ABCA3: variants seen among roughly 807,000 people sequenced by gnomAD.
The protein encoded by ABCA3 is ATP binding cassette subfamily A member 3.
ABCA3 carries 88 observed loss-of-function variants against 172.8 expected under a neutral mutation model. That is an observed-to-expected ratio of 0.51 (90% CI 0.43 to 0.61). The LOEUF is 0.61. Among genes scored for constraint, ABCA3 ranks in the 20% least tolerant of loss-of-function variants. The pLI, the probability that ABCA3 is intolerant of heterozygous loss-of-function variation, is 0.00. For synonymous variants in ABCA3, 1,066 were observed against 983.8 expected (o/e 1.08, Z -1.56); for missense variants, 2,164 against 2,301.0 (o/e 0.94, Z 1.22).
intron 10 of ABCA3, among the ~76,000 whole-genome samples, chr16:2,313,767 C>T (rs562076797): frequency 6.6e-6 from 1 of 150,640 alleles, no homozygotes; most frequent in Admixed American, 6.6e-5. Context: ...TGGTGGCGGG[C>T]GCCTGTAATC....
Position 2,287,064 on chromosome 16 carries a change from G to C in ABCA3, c.3005-97C>G, listed in dbSNP as rs928211824. 4.3e-5 allele frequency: 61 copies of C among 1,408,800 alleles called. No homozygotes were observed. The highest frequency in any genetic ancestry group is 5.9e-5 in the Non-Finnish European group (61 of 1,026,920). 87.3% of individuals were successfully genotyped at this position (1,408,800 alleles called of 1,614,324 possible). Reference sequence around the variant, plus strand: ...GGCTAATCAGGGACCCAATAGAGTGGTGCCAGCATCCTCTGAGCTGCCCGC... The same window carrying C: ...GGCTAATCAGGGACCCAATAGAGTGCTGCCAGCATCCTCTGAGCTGCCCGC... On this transcript the variant is annotated intron_variant, in intron 21 of 32. Transcript: ENST00000301732. This position sits in a 1 kb window ranked among gnomAD's most constrained non-coding sequence, Gnocchi z 4.1.
chr16:2,337,349 T>G (rs1305874944), intron 1 of ABCA3, among the ~76,000 whole-genome samples: 1 of 151,230 alleles, frequency 6.6e-6, no homozygotes, highest in Admixed American at 6.6e-5. Context: ...CACATAACAG[T>G]ACACATGAAA....
chr16:2,332,175 G>A, intron 1 of ABCA3: 1 of 343,972 alleles, frequency 2.9e-6, no homozygotes, highest in Non-Finnish European at 5.3e-6. Flanking sequence ...AAGCGCTGTG[G>A]CTCTTCAGGC....
intron 11 of ABCA3, 117 bp from the exon 12 acceptor site, chr16:2,304,267 G>A (rs1436777659): frequency 2.8e-6 from 3 of 1,082,378 alleles, no homozygotes; most frequent in Non-Finnish European, 4.3e-6. Context: ...TGCTTGGTTG[G>A]CATGCCTTTT....
At chr16:2,312,680 G>A (rs1279249730) in intron 10 of ABCA3, among the ~76,000 whole-genome samples, 1 of 151,600 alleles carries the variant, frequency 6.6e-6, no homozygotes, top group Non-Finnish European at 1.5e-5. Context: ...AAGTGCCCAC[G>A]ACCACGCCCA....
chr16:2,293,321 G>A (rs1397835411), intron 18 of ABCA3, among the ~76,000 whole-genome samples: 1 of 149,798 alleles, frequency 6.7e-6, no homozygotes, highest in Non-Finnish European at 1.5e-5. Flanking sequence ...AAAGTGCTGG[G>A]ATTACAGGCA....
intron 26 of ABCA3, among the ~76,000 whole-genome samples, chr16:2,282,601 T>C (rs2093656839): frequency 6.6e-6 from 1 of 151,788 alleles, no homozygotes; most frequent in Non-Finnish European, 1.5e-5. Flanking sequence ...CATCCCCTCC[T>C]CCGGGCACTG....
rs144957382 is a variant in ABCA3, at chr16:2,283,210, G to A, written c.4011C>T (p.Cys1337=). Residue 1337 remains cysteine (C), a synonymous_variant, in exon 26 of 33, where the codon TGC becomes TGT. Transcript: ENST00000301732. This position sits in a 1 kb window ranked among gnomAD's most constrained non-coding sequence, Gnocchi z 5.4. ...CCAGTGTCCGCCTCCTCCGGAGGGC[G>A]CAGAGGATGCCCCTGAGTCTCTGAA... The part of the protein sequence containing the change: ...NLLQRLRGIL[C]ALRRRRTLTE... 2.2e-5 allele frequency: 36 copies of A among 1,613,292 alleles called. No individual in the cohort carries two copies. In the Middle Eastern group the frequency reaches 5.0e-4, roughly 22 times the overall value.
At chr16:2,336,431 CTT>C (rs112497349) in intron 1 of ABCA3, among the ~76,000 whole-genome samples, 35 of 139,642 alleles carry the variant, frequency 2.5e-4, no homozygotes, top group African/African-American at 2.1e-4. Context: ...ATATACAGAA[CTT>C]TTTTTTTTTT....
At chr16:2,298,239 G>A in intron 15 of ABCA3, 147 bp downstream of exon 15, 1 of 1,340,690 alleles carries the variant, frequency 7.5e-7, no homozygotes, top group Non-Finnish European at 1.0e-6. Context: ...TCTGGTGAGA[G>A]GAACCTCTCC....
chr16:2,301,045 A>G (rs907322885), intron 12 of ABCA3, among the ~76,000 whole-genome samples: 2 of 150,320 alleles, frequency 1.3e-5, no homozygotes, highest in South Asian at 2.1e-4. Context: ...CCTGGCTAAC[A>G]CGGTGAAACC....
At position 2,283,318 on chromosome 16, in the gene ABCA3, C is replaced by CG; in HGVS notation, c.3902dup (p.Val1303GlyfsTer55). 1 of 1,613,210 alleles carries CG rather than the reference C, an allele frequency of 6.2e-7. No homozygotes were observed. The highest frequency in any genetic ancestry group is 8.5e-7 in the Non-Finnish European group (1 of 1,179,990). On this transcript the variant is annotated frameshift_variant, in exon 26 of 33. Coordinates refer to ENST00000301732, the MANE Select transcript of ABCA3 (RefSeq NM_001089.3). LOFTEE classifies it high-confidence loss of function. The surrounding 1 kb of genome is among the most constrained non-coding windows in gnomAD (Gnocchi z 5.4). ...TGGAGGCCACAAACCGGCCGACCCC[C>CG]GGGGCGCTCCAGGCATAGAAGTTCT...
intron 10 of ABCA3, among the ~76,000 whole-genome samples, chr16:2,309,694 T>C (rs1016738457): frequency 6.6e-6 from 1 of 152,162 alleles, no homozygotes; most frequent in African/African-American, 2.4e-5. Flanking sequence ...CATGGCTCAC[T>C]GCAGCCTCCA....
chr16:2,289,998 CA>C (rs1171588024), intron 19 of ABCA3, among the ~76,000 whole-genome samples: 2 of 151,514 alleles, frequency 1.3e-5, no homozygotes, highest in East Asian at 1.9e-4. Context: ...CACACACACA[CA>C]CACCCCTTCC....
chr16:2,297,749 C>T lies in ABCA3; in HGVS notation c.2052+17G>A, dbSNP rs1280594685. On this transcript the variant is annotated intron_variant, in intron 16 of 32. Transcript: ENST00000301732. The surrounding 1 kb of genome is among the most constrained non-coding windows in gnomAD (Gnocchi z 5.6). ...GAGCAGGAGGGGAACCCACTGCCTC[C>T]AGTCCCACCGCCACACCTTGGAGCC... 3 of 1,608,910 alleles carry T rather than the reference C, an allele frequency of 1.9e-6. No homozygotes were observed. The highest frequency in any genetic ancestry group is 8.5e-7 in the Non-Finnish European group (1 of 1,179,996).
chr16:2,320,641 T>C (rs532695331), intron 7 of ABCA3, among the ~76,000 whole-genome samples: 116 of 151,858 alleles, frequency 7.6e-4, no homozygotes, highest in Non-Finnish European at 1.3e-3. Flanking sequence ...TCAGGTGATC[T>C]GCCTGCCTCA....
In ABCA3 at chr16:2,278,301, T is replaced by C. The variant is rs1395457574; in HGVS notation, c.4705A>G (p.Ile1569Val). The change falls in exon 30 of 33, where the codon ATC becomes GTC. Residue 1569 changes from isoleucine (I) to valine (V), a missense_variant. Coordinates refer to ENST00000301732, the MANE Select transcript of ABCA3 (RefSeq NM_001089.3). This position sits in a 1 kb window ranked among gnomAD's most constrained non-coding sequence, Gnocchi z 4.4. ...CCCAGGCTCTACCTGTGGGAGGTGA[T>C]GATGATGGCCTTGCCAGACTCTCGG... ...RARESGKAII[I>V]TSHSMEECEA... is the part of the protein sequence containing the mutation. The C allele has an allele frequency of 6.2e-7, 1 of 1,608,840 alleles. No homozygotes were observed. The highest frequency in any genetic ancestry group is 8.5e-7 in the Non-Finnish European group (1 of 1,179,954).
In ABCA3 at chr16:2,292,238, C is replaced by T; in HGVS notation, c.2415G>A (p.Arg805=). The change falls in exon 19 of 33, where the codon AGG becomes AGA. Residue 805 remains arginine (R), a splice_region_variant and synonymous_variant. Coordinates refer to ENST00000301732, the MANE Select transcript of ABCA3 (RefSeq NM_001089.3). ...CCAGTTTAGCAAAGAGACCTTCAAA[C>T]CTGAAAAACAGACCCAGCATTATGA... ...SFILPRESTH[R]FEGLFAKLEK... is the part of the protein sequence containing the mutation. 1.2e-6 allele frequency: 2 copies of T among 1,613,000 alleles called. No homozygotes were observed. The highest frequency in any genetic ancestry group is 8.5e-7 in the Non-Finnish European group (1 of 1,179,220).
intron 1 of ABCA3, among the ~76,000 whole-genome samples, chr16:2,340,181 C>G (rs533262419): frequency 6.6e-6 from 1 of 152,344 alleles, no homozygotes; most frequent in African/African-American, 2.4e-5. Context: ...GCCTGCATCC[C>G]TCGGGGCCGG....
Sources: allele counts gnomAD v4.1 joint callset (sites outside exome capture counted in the v4.1 genomes callset), GRCh38; gene constraint gnomAD v4.1.1; non-coding constraint Gnocchi (gnomAD v3.1); transcripts MANE v1.5; gene names NCBI Gene and HGNC (gene_info 2026-07-23, HGNC 2026-07-21).